CTSC: variants seen among roughly 807,000 people sequenced by gnomAD.
CTSC encodes cathepsin C.
In CTSC, 37 loss-of-function variants were observed where a neutral mutation model predicts 40.9. The observed-to-expected ratio is 0.91, with a 90% confidence interval of 0.70 to 1.19. CTSC has a LOEUF of 1.19. CTSC is among the 50% of genes most tolerant of loss of function. The pLI is 0.00. For missense variants in CTSC, 594 were observed against 567.3 expected (o/e 1.05, Z -0.48); for synonymous variants, 232 against 207.4 (o/e 1.12, Z -1.02).
At chr11:88,312,612 C>T (rs1937790076) in intron 2 of CTSC, 58 bp from the exon 3 acceptor site, 1 of 1,590,552 alleles carries the variant, frequency 6.3e-7, no homozygotes, top group Non-Finnish European at 8.6e-7. Context: ...ATTTCAGGTC[C>T]ATTTCCATGG....
At chr11:88,300,452 C>T (rs566396071) in intron 5 of CTSC, 78 bp downstream of exon 5, 46 of 890,384 alleles carry the variant, frequency 5.2e-5, no homozygotes, top group Non-Finnish European at 6.2e-5. Context: ...TAGGTATCCC[C>T]GAAATCCATC....
chr11:88,330,418 G>C (rs1037741727), intron 2 of CTSC, among the ~76,000 whole-genome samples: 1 of 150,890 alleles, frequency 6.6e-6, no homozygotes, highest in Non-Finnish European at 1.5e-5. Context: ...GTGTGATCTC[G>C]GCTCACTGCA....
chr11:88,320,696 T>C (rs1937983479), intron 2 of CTSC: 2 of 344,278 alleles, frequency 5.8e-6, no homozygotes, highest in Non-Finnish European at 8.2e-6. Context: ...AATATAAAAG[T>C]CTAATCTCTT....
At chr11:88,324,756 T>A (rs935883622) in intron 2 of CTSC, 1 of 985,140 alleles carries the variant, frequency 1.0e-6, no homozygotes, top group Non-Finnish European at 1.2e-6. Context: ...CTCACGGTAA[T>A]AGAGAGAGCT....
intron 6 of CTSC, among the ~76,000 whole-genome samples, chr11:88,295,272 A>T (rs1285432369): frequency 6.6e-6 from 1 of 152,212 alleles, no homozygotes; most frequent in Non-Finnish European, 1.5e-5. Context: ...TAGTGGCCAA[A>T]TCTGGGCTTG....
At chr11:88,307,241 A>T (rs1290803543) in intron 4 of CTSC, among the ~76,000 whole-genome samples, 1 of 152,168 alleles carries the variant, frequency 6.6e-6, no homozygotes, top group Non-Finnish European at 1.5e-5. Context: ...AATTTTTCAA[A>T]TTCTGCTAGC....
At chr11:88,321,458 AGT>A (rs1348477612) in intron 2 of CTSC, 1 of 151,728 alleles carries the variant, frequency 6.6e-6, no homozygotes, top group African/African-American at 2.4e-5. Flanking sequence ...GACTGGCCCC[AGT>A]GTGTGTTATT....
At chr11:88,326,421 T>C in intron 2 of CTSC, 1 of 1,613,080 alleles carries the variant, frequency 6.2e-7, no homozygotes, top group South Asian at 1.1e-5. Flanking sequence ...AAAGAGTCCC[T>C]CAACAGATGC....
intron 5 of CTSC, chr11:88,299,141 T>C (rs1208175411): frequency 1.3e-5 from 2 of 152,184 alleles, no homozygotes; most frequent in African/African-American, 4.8e-5. Flanking sequence ...AGCAACACTA[T>C]AGTATCAGTA....
chr11:88,309,562 TA>T (rs768908935), intron 3 of CTSC, among the ~76,000 whole-genome samples: 36 of 152,178 alleles, frequency 2.4e-4, no homozygotes, highest in Non-Finnish European at 4.9e-4. Context: ...TAATAGATTG[TA>T]AATAACCGAA....
At chr11:88,329,096 A>C (rs1335458307) in intron 2 of CTSC, among the ~76,000 whole-genome samples, 1 of 152,160 alleles carries the variant, frequency 6.6e-6, no homozygotes, top group Non-Finnish European at 1.5e-5. Context: ...TTAATCTTCA[A>C]AATAAAATCT....
At chr11:88,331,462 GA>G (rs1565265314) in intron 2 of CTSC, among the ~76,000 whole-genome samples, 2 of 152,356 alleles carry the variant, frequency 1.3e-5, no homozygotes, top group Middle Eastern at 3.4e-3. Flanking sequence ...GGCACTTGAA[GA>G]GATACATAGA....
intron 2 of CTSC, among the ~76,000 whole-genome samples, chr11:88,314,292 C>G (rs1591231168): frequency 6.6e-6 from 1 of 152,150 alleles, no homozygotes; most frequent in Non-Finnish European, 1.5e-5. Flanking sequence ...AGTTTGCCAA[C>G]CCCCAGTTTA....
At chr11:88,313,400 AG>A (rs1937810685) in intron 2 of CTSC, among the ~76,000 whole-genome samples, 1 of 152,200 alleles carries the variant, frequency 6.6e-6, no homozygotes, top group Non-Finnish European at 1.5e-5. Context: ...TCAATTTATT[AG>A]CATATTCTGA....
At chr11:88,314,639 T>G (rs1367184470) in intron 2 of CTSC, among the ~76,000 whole-genome samples, 1 of 152,194 alleles carries the variant, frequency 6.6e-6, no homozygotes, top group Non-Finnish European at 1.5e-5. Flanking sequence ...GCGATTCTCC[T>G]GCCTCAGCCT....
At chr11:88,336,583 G>C (rs904804389) in intron 1 of CTSC, among the ~76,000 whole-genome samples, 1 of 151,342 alleles carries the variant, frequency 6.6e-6, no homozygotes, top group Non-Finnish European at 1.5e-5. Flanking sequence ...ATTATGAAAT[G>C]CTATACAGTC....
intron 2 of CTSC, among the ~76,000 whole-genome samples, chr11:88,331,632 G>A (rs1938358667): frequency 6.6e-6 from 1 of 152,208 alleles, no homozygotes; most frequent in East Asian, 1.9e-4. Context: ...GGGCTTTTAT[G>A]GAGCGTTCAT....
At chr11:88,330,961 C>A (rs1938338397) in intron 2 of CTSC, among the ~76,000 whole-genome samples, 1 of 152,152 alleles carries the variant, frequency 6.6e-6, no homozygotes, top group Non-Finnish European at 1.5e-5. Context: ...CCGAGAATGG[C>A]AAAGAAGCTG....
intron 2 of CTSC, chr11:88,321,017 G>T (rs1937993510): frequency 1.0e-6 from 1 of 985,100 alleles, no homozygotes; most frequent in Admixed American, 6.2e-5. Flanking sequence ...TCTGACACAT[G>T]TATCTGCAAT....
Sources: gnomAD v4.1 joint callset for allele counts (sites outside exome capture counted in the v4.1 genomes callset) on GRCh38, gnomAD v4.1.1 for gene constraint, MANE v1.5 for transcripts, NCBI Gene and HGNC (gene_info 2026-07-23, HGNC 2026-07-21) for gene names.